Variants in TMCO5A observed in about 807,000 individuals in gnomAD.
TMCO5A encodes the protein transmembrane and coiled-coil domain-containing protein 5A.
TMCO5A carries 34 observed loss-of-function variants against 42.3 expected under a neutral mutation model. The observed-to-expected ratio is 0.80, with a 90% CI of 0.61 to 1.07. The LOEUF is 1.07. Ranked by LOEUF, TMCO5A falls within the 50% of genes least tolerant of loss-of-function variation. The pLI is 0.00. For synonymous variants in TMCO5A, 131 were observed against 115.6 expected, an observed-to-expected ratio of 1.13 and a Z score of -0.86; for missense variants, 357 against 327.9, an observed-to-expected ratio of 1.09 and a Z score of -0.69.
the TMCO5A span, among the ~76,000 whole-genome samples, chr15:38,014,815 A>G: frequency 7.2e-6 from 1 of 139,790 alleles, no homozygotes; most frequent in Non-Finnish European, 1.5e-5. Context: ...TGTATTAGTC[A>G]AGGTTCTCTT....
At chr15:37,939,981 C>T (rs1207669249) in intron 6 of TMCO5A, among the ~76,000 whole-genome samples, 1 of 151,980 alleles carries the variant, frequency 6.6e-6, no homozygotes, top group African/African-American at 2.4e-5. Context: ...GTCATGTCTG[C>T]TCTTCTACAA....
downstream of TMCO5A, among the ~76,000 whole-genome samples, chr15:37,954,443 G>A (rs564032686): frequency 6.6e-6 from 1 of 152,186 alleles, no homozygotes; most frequent in East Asian, 1.9e-4. Flanking sequence ...TCCTGCAATA[G>A]TATTCTGGTG....
At chr15:37,980,737 C>T in the TMCO5A span, among the ~76,000 whole-genome samples, 1 of 151,160 alleles carries the variant, frequency 6.6e-6, no homozygotes, top group Non-Finnish European at 1.5e-5. Context: ...TTTGTTCCCA[C>T]TGGGTGGCCA....
At chr15:37,954,074 T>C (rs536273339), downstream of TMCO5A, among the ~76,000 whole-genome samples, 238 of 152,028 alleles carry the variant, frequency 1.6e-3, 2 homozygotes, top group African/African-American at 5.1e-3. Context: ...ATCTAGAAAG[T>C]AACCTCAAAA....
At chr15:37,997,429 GTTTTAAT>G in the TMCO5A span, among the ~76,000 whole-genome samples, 352 of 152,206 alleles carry the variant, frequency 2.3e-3, no homozygotes, top group Non-Finnish European at 3.6e-3. Context: ...AAGTTCAATT[GTTTTAAT>G]TTTTAACTCC....
At chr15:37,934,760 T>G (rs974850188) in intron 1 of TMCO5A, 66 bp downstream of exon 1, 1 of 152,112 alleles carries the variant, frequency 6.6e-6, no homozygotes. Context: ...ACAAATGATT[T>G]ACATATACTT....
At chr15:38,013,813 A>G in the TMCO5A span, among the ~76,000 whole-genome samples, 1 of 152,248 alleles carries the variant, frequency 6.6e-6, no homozygotes. Context: ...TTAGTGACTT[A>G]AAACTATATA....
chr15:37,987,164 G>A, the TMCO5A span, among the ~76,000 whole-genome samples: 1 of 151,898 alleles, frequency 6.6e-6, no homozygotes, highest in Admixed American at 6.6e-5. Flanking sequence ...TAGTGATGTT[G>A]AGCATCCTTT....
chr15:37,939,760 T>TA (rs1889666650), intron 6 of TMCO5A, among the ~76,000 whole-genome samples: 1 of 152,110 alleles, frequency 6.6e-6, no homozygotes, highest in African/African-American at 2.4e-5. Context: ...GGCATGCTAG[T>TA]AATCAGTGCA....
the TMCO5A span, among the ~76,000 whole-genome samples, chr15:37,995,519 A>C: frequency 3.3e-5 from 5 of 152,228 alleles, no homozygotes. Context: ...CCTCAGTAAC[A>C]GGCCTTGGCA....
At chr15:37,964,095 G>T (rs541459978) in intron 11 of TMCO5A, among the ~76,000 whole-genome samples, 1 of 152,268 alleles carries the variant, frequency 6.6e-6, no homozygotes, top group East Asian at 1.9e-4. Flanking sequence ...TATTACCAGA[G>T]TTGGTTTTCT....
Position 37,942,242 on chromosome 15 carries a change from CT to C in TMCO5A, c.558del (p.Glu187ArgfsTer8), listed in dbSNP as rs765719186. 5.6e-6 allele frequency: 9 copies of C among 1,612,682 alleles called. No homozygotes were observed. In the East Asian group the frequency reaches 1.1e-4, roughly 20 times the overall value. ...KIEEELEALF[L>X]EREVSKLVSM... ...AGAAGAAGAACTAGAGGCTCTGTTC[CT>C]TGAGAGAGAAGTGTGAGCTTTGGCA... On this transcript the variant is annotated frameshift_variant, in exon 9 of 12. Transcript: ENST00000319669. LOFTEE classifies it high-confidence loss of function.
At chr15:38,015,490 G>A in the TMCO5A span, among the ~76,000 whole-genome samples, 1 of 152,082 alleles carries the variant, frequency 6.6e-6, no homozygotes, top group Non-Finnish European at 1.5e-5. Flanking sequence ...AATATGCTTT[G>A]GCAGTTTCTT....
chr15:37,936,445 G>C lies in TMCO5A; in HGVS notation c.122G>C (p.Arg41Thr). Residue 41 changes from arginine to threonine, a missense_variant, in exon 3 of 12, where the codon AGG becomes ACG. Arg to Thr is a moderately conservative substitution (Grantham distance 71, BLOSUM62 -1). Transcript: ENST00000319669. ...AAACTTCTTCTCAAAATCCAAGAGA[G>C]GGAAGATAAGATTCAGAGGTGAGTA... Reference protein sequence around the residue: ...NQKLLLKIQEREDKIQRLESE... With the variant: ...NQKLLLKIQETEDKIQRLESE... 2 of 1,612,696 alleles carry C rather than the reference G, an allele frequency of 1.2e-6. No homozygotes were observed. The highest frequency in any genetic ancestry group is 2.2e-5 in the South Asian group (2 of 91,018).
intron 2 of TMCO5A, 196 bp from the exon 3 acceptor site, chr15:37,936,118 T>C: frequency 2.0e-6 from 1 of 510,508 alleles, no homozygotes; most frequent in Non-Finnish European, 3.2e-6. Context: ...GGAAAGACCC[T>C]TGCTGACTGA....
chr15:37,961,023 A>G (rs1353742871), intron 11 of TMCO5A, among the ~76,000 whole-genome samples: 1 of 152,058 alleles, frequency 6.6e-6, no homozygotes, highest in African/African-American at 2.4e-5. Context: ...TCCTTTTGCC[A>G]TACAAAAGCT....
chr15:37,935,724 A>G (rs1889486547), intron 2 of TMCO5A, among the ~76,000 whole-genome samples: 1 of 152,140 alleles, frequency 6.6e-6, no homozygotes, highest in Non-Finnish European at 1.5e-5. Flanking sequence ...TGCATTTTTG[A>G]AAGCTATGCC....
rs111595709 is a variant in TMCO5A at position 37,943,199 on chromosome 15, T to C, written c.570-142T>C. The C allele has an allele frequency of 7.1e-3, 4,468 of 627,092 alleles. 188 individuals are homozygous for C. In the African/African-American group the frequency reaches 0.078, roughly 11 times the overall value. The allele number at this position is 627,092 out of a possible 1,614,324, so 38.8% of individuals were successfully genotyped here. ...AGGAAATTAATTTAACTTTAATTAA[T>C]TTAAATAGCTATAGGTAGACAGTAG... On this transcript the variant is annotated intron_variant, in intron 9 of 11. Transcript: ENST00000319669.
intron 10 of TMCO5A, 159 bp downstream of exon 10, chr15:37,943,557 A>T: frequency 1.6e-6 from 1 of 606,242 alleles, no homozygotes; most frequent in Non-Finnish European, 2.8e-6. Context: ...CCCTAAACAA[A>T]CAAACTAGAC....
Sources: gnomAD v4.1 joint callset for allele counts (sites outside exome capture counted in the v4.1 genomes callset) on GRCh38, gnomAD v4.1.1 for gene constraint, MANE v1.5 for transcripts, NCBI Gene and HGNC (gene_info 2026-07-23, HGNC 2026-07-21) for gene names.